ARAP2: variants seen among roughly 807,000 people sequenced by gnomAD.
ARAP2 encodes the protein arf-GAP with Rho-GAP domain, ANK repeat and PH domain-containing protein 2.
A neutral mutation model predicts 194.5 loss-of-function variants in ARAP2; 148 were observed. The ratio of observed to expected loss-of-function variants is 0.76; its 90% CI spans 0.67 to 0.87. The LOEUF is 0.87. Among genes scored for constraint, ARAP2 ranks in the 40% least tolerant of loss-of-function variants. The pLI, the probability that ARAP2 is intolerant of heterozygous loss-of-function variation, is 0.00. For synonymous variants in ARAP2, 695 were observed against 683.5 expected (o/e 1.02, Z -0.26); for missense variants, 2,128 against 1,989.7 (o/e 1.07, Z -1.32).
At chr4:36,144,159 GT>G (rs1246123281) in intron 19 of ARAP2, among the ~76,000 whole-genome samples, 1 of 151,144 alleles carries the variant, frequency 6.6e-6, no homozygotes, top group East Asian at 1.9e-4. Flanking sequence ...TACTCCATAG[GT>G]TAAAAAAAAG....
chr4:36,085,337 T>G (rs992079557), intron 28 of ARAP2, among the ~76,000 whole-genome samples: 14 of 152,076 alleles, frequency 9.2e-5, no homozygotes, highest in Non-Finnish European at 1.5e-5. Flanking sequence ...GTTGCTTTTT[T>G]TAGGATTTAA....
At chr4:36,089,789 T>C (rs1245159891) in intron 28 of ARAP2, among the ~76,000 whole-genome samples, 1 of 152,082 alleles carries the variant, frequency 6.6e-6, no homozygotes, top group East Asian at 1.9e-4. Flanking sequence ...CTGCTTTTCT[T>C]ATTGTTGATT....
intron 5 of ARAP2, among the ~76,000 whole-genome samples, chr4:36,032,846 G>A (rs1383915942): frequency 1.3e-5 from 2 of 152,062 alleles, no homozygotes. Context: ...ACTCAAGTAG[G>A]CGCCAGTGTC....
At chr4:36,197,646 C>T (rs149933528) in intron 6 of ARAP2, among the ~76,000 whole-genome samples, 24 of 152,290 alleles carry the variant, frequency 1.6e-4, no homozygotes, top group East Asian at 7.7e-4. Flanking sequence ...TCACTGCCAA[C>T]GGCAAGCCAG....
chr4:36,063,435 T>C (rs1036511660), downstream of ARAP2, among the ~76,000 whole-genome samples: 2 of 150,246 alleles, frequency 1.3e-5, no homozygotes, highest in Admixed American at 6.7e-5. Flanking sequence ...TGTGCACATG[T>C]ACCCTAGAAC....
At chr4:36,086,797 T>A (rs1711982032) in intron 28 of ARAP2, among the ~76,000 whole-genome samples, 1 of 152,134 alleles carries the variant, frequency 6.6e-6, no homozygotes, top group Non-Finnish European at 1.5e-5. Flanking sequence ...TGATCCCCTT[T>A]ACCCATTTGC....
chr4:36,095,783 C>T (rs1445599353), intron 27 of ARAP2, among the ~76,000 whole-genome samples: 1 of 152,126 alleles, frequency 6.6e-6, no homozygotes, highest in Non-Finnish European at 1.5e-5. Flanking sequence ...ACATATTCAA[C>T]TGCTTACTTG....
chr4:36,128,299 A>C (rs1724451408), intron 21 of ARAP2, among the ~76,000 whole-genome samples: 1 of 152,030 alleles, frequency 6.6e-6, no homozygotes, highest in Admixed American at 6.6e-5. Flanking sequence ...AGTATATACC[A>C]AACGATTTAG....
intron 10 of ARAP2, chr4:36,005,508 A>G (rs2109296167): frequency 6.6e-6 from 1 of 152,308 alleles, no homozygotes; most frequent in East Asian, 1.9e-4. Context: ...AGGTGGCTTT[A>G]TAAGAAATGT....
intron 8 of ARAP2, among the ~76,000 whole-genome samples, chr4:36,181,903 G>C (rs1739363255): frequency 6.6e-6 from 1 of 152,100 alleles, no homozygotes; most frequent in African/African-American, 2.4e-5. Flanking sequence ...TTTTGTACAG[G>C]ATACATAAGA....
At position 36,233,845 on chromosome 4, in the gene ARAP2, G is replaced by A. The variant is rs537418870; in HGVS notation, c.-159-4200C>T. ...ACAGTTAAATTTTCTGTTCTTTGAG[G>A]TCTAAAACACTTTCCTTCACAAGAG... On this transcript the variant is annotated intron_variant, in intron 1 of 32. Transcript: ENST00000303965. 5.3e-5 allele frequency among the ~76,000 whole-genome samples: 8 copies of A among 152,254 alleles called. No homozygotes were observed. The South Asian group carries it at 1.2e-3, about 24-fold the overall frequency.
At position 36,187,589 on chromosome 4, in the gene ARAP2, A is replaced by T; in HGVS notation, c.1558-18T>A. 1 of 1,529,326 alleles carries T rather than the reference A, an allele frequency of 6.5e-7. No homozygotes were observed. The highest frequency in any genetic ancestry group is 2.4e-5 in the East Asian group (1 of 41,290). 94.7% of individuals were successfully genotyped at this position (1,529,326 alleles called of 1,614,324 possible). Reference sequence around the variant, plus strand: ...TACATCTCCTGTATTGGTTAGAAAAAAAGAGAAGACATATGAAAACGAAAT... The same window carrying T: ...TACATCTCCTGTATTGGTTAGAAAATAAGAGAAGACATATGAAAACGAAAT... On this transcript the variant is annotated intron_variant, in intron 7 of 32. Coordinates refer to ENST00000303965, the MANE Select transcript of ARAP2 (RefSeq NM_015230.4).
At chr4:36,058,764 T>C (rs1723937380) in intron 1 of ARAP2, among the ~76,000 whole-genome samples, 1 of 152,204 alleles carries the variant, frequency 6.6e-6, no homozygotes, top group Non-Finnish European at 1.5e-5. Context: ...ATCTAAGACT[T>C]TGCATTTGCA....
chr4:36,155,585 A>C (rs925485941), intron 15 of ARAP2, among the ~76,000 whole-genome samples: 3 of 152,160 alleles, frequency 2.0e-5, no homozygotes, highest in Non-Finnish European at 4.4e-5. Context: ...ACCATGGAGA[A>C]GAATAACAGT....
intron 2 of ARAP2, 134 bp downstream of exon 2, chr4:36,228,448 T>A (rs376235828): frequency 9.1e-5 from 85 of 932,636 alleles, no homozygotes; most frequent in African/African-American, 5.0e-4. Context: ...ACTTTTTTTT[T>A]AAAAGAAAAG....
chr4:36,057,681 AT>A (rs1723748724), intron 2 of ARAP2, among the ~76,000 whole-genome samples: 1 of 151,988 alleles, frequency 6.6e-6, no homozygotes, highest in African/African-American at 2.4e-5. Flanking sequence ...AACTTCTAAA[AT>A]TTTTATTTGA....
At chr4:36,122,275 C>T (rs1021566657) in intron 22 of ARAP2, among the ~76,000 whole-genome samples, 11 of 151,576 alleles carry the variant, frequency 7.3e-5, no homozygotes, top group Non-Finnish European at 1.3e-4. Flanking sequence ...AGGTATATAC[C>T]CAAAGGAATA....
intron 6 of ARAP2, among the ~76,000 whole-genome samples, chr4:36,196,813 G>A (rs964224705): frequency 6.6e-6 from 1 of 151,760 alleles, no homozygotes; most frequent in Non-Finnish European, 1.5e-5. Flanking sequence ...TGGCCGCACT[G>A]CCTCTCTTCT....
chr4:36,128,587 T>C lies in ARAP2; in HGVS notation c.3586A>G (p.Ile1196Val), dbSNP rs180822121. 12 of 1,613,012 alleles carry C rather than the reference T, an allele frequency of 7.4e-6. No individual in the cohort carries two copies. In the African/African-American group the frequency reaches 1.3e-4, roughly 18 times the overall value. Residue 1196 changes from isoleucine (I) to valine (V), a missense_variant, in exon 21 of 33, where the codon ATT becomes GTT. Coordinates refer to ENST00000303965, the MANE Select transcript of ARAP2 (RefSeq NM_015230.4). ...TAVLKSFLSD[I>V]DDALLTKELY... is the part of the protein sequence containing the mutation. ...TCCTTAGTAAGCAGTGCATCATCAA[T>C]GTCAGAGAGAAAACTTTTCAACACA...
Sources: allele counts gnomAD v4.1 joint callset (sites outside exome capture counted in the v4.1 genomes callset), GRCh38; gene constraint gnomAD v4.1.1; transcripts MANE v1.5; gene names NCBI Gene and HGNC (gene_info 2026-07-23, HGNC 2026-07-21).